TRHDE: variants seen among roughly 807,000 people sequenced by gnomAD.
TRHDE encodes thyrotropin-releasing hormone-degrading ectoenzyme.
Under a neutral mutation model 125.7 loss-of-function variants are expected in TRHDE, and 72 were observed. The ratio of observed to expected loss-of-function variants is 0.57; its 90% confidence interval spans 0.47 to 0.70. TRHDE has a LOEUF of 0.70. Among genes scored for constraint, TRHDE ranks in the 30% least tolerant of loss-of-function variants. The pLI, the probability that TRHDE is intolerant of heterozygous loss-of-function variation, is 0.00. For synonymous variants in TRHDE, 509 were observed against 509.1 expected (o/e 1.00, Z 0.00); for missense variants, 1,110 against 1,327.1 (o/e 0.84, Z 2.54).
At chr12:72,477,835 G>A (rs1156349049) in intron 5 of TRHDE, among the ~76,000 whole-genome samples, 1 of 152,100 alleles carries the variant, frequency 6.6e-6, no homozygotes, top group Admixed American at 6.5e-5. Flanking sequence ...ATAGTGCATA[G>A]GTGTCATTAT....
At chr12:72,104,479 G>A (rs904503173) in intron 1 of TRHDE, among the ~76,000 whole-genome samples, 2 of 152,064 alleles carry the variant, frequency 1.3e-5, no homozygotes, top group Non-Finnish European at 2.9e-5. Flanking sequence ...ATTCACAAAG[G>A]TGCGTACACA....
intron 2 of TRHDE, among the ~76,000 whole-genome samples, chr12:72,204,873 A>AC (rs1312193145): frequency 3.3e-5 from 5 of 152,142 alleles, no homozygotes; most frequent in Non-Finnish European, 7.3e-5. Flanking sequence ...GGCCATGAAA[A>AC]ACAGCTGTTC....
intron 3 of TRHDE, among the ~76,000 whole-genome samples, chr12:72,382,340 G>T (rs576049957): frequency 7.2e-5 from 11 of 151,942 alleles, no homozygotes; most frequent in African/African-American, 1.7e-4. Context: ...GGTTGGGGAG[G>T]GGGGGACAGT....
chr12:72,206,344 C>T (rs529480810), intron 2 of TRHDE, among the ~76,000 whole-genome samples: 3 of 152,104 alleles, frequency 2.0e-5, no homozygotes, highest in Non-Finnish European at 2.9e-5. Context: ...CCGCCTGCCT[C>T]GACCTTCCAA....
chr12:72,192,482 C>T (rs902093509), intron 2 of TRHDE, among the ~76,000 whole-genome samples: 1 of 151,908 alleles, frequency 6.6e-6, no homozygotes, highest in Non-Finnish European at 1.5e-5. Flanking sequence ...TAAGTATTTA[C>T]AAAAGTCGAA....
intron 3 of TRHDE, among the ~76,000 whole-genome samples, chr12:72,437,988 CTTTTTTAGATTTCATATGTGAG>C (rs1394663507): frequency 6.6e-6 from 1 of 151,682 alleles, no homozygotes; most frequent in Non-Finnish European, 1.5e-5. Context: ...ATAAGATCAG[CTTTTTTAGATTTCATATGTGAG>C]TGAGATCATG....
intron 5 of TRHDE, among the ~76,000 whole-genome samples, chr12:72,498,432 G>A (rs116297761): frequency 0.011 from 1,619 of 152,170 alleles, 26 homozygotes; most frequent in African/African-American, 0.037. Flanking sequence ...CTCAAAACTA[G>A]GAGACACCAG....
chr12:72,329,134 C>A (rs1157189231), intron 2 of TRHDE, among the ~76,000 whole-genome samples: 1 of 152,126 alleles, frequency 6.6e-6, no homozygotes, highest in African/African-American at 2.4e-5. Flanking sequence ...TTTCCCAGCT[C>A]ACAGTTGGCT....
At chr12:72,655,232 C>T (rs951132147) in intron 17 of TRHDE, among the ~76,000 whole-genome samples, 2 of 152,020 alleles carry the variant, frequency 1.3e-5, no homozygotes, top group African/African-American at 4.8e-5. Flanking sequence ...ACCACCACAC[C>T]CGGCTAATTT....
At chr12:72,403,985 C>T (rs552181160) in intron 3 of TRHDE, among the ~76,000 whole-genome samples, 1 of 152,256 alleles carries the variant, frequency 6.6e-6, no homozygotes, top group Non-Finnish European at 1.5e-5. Context: ...GTCGTTTTTA[C>T]AAGTAAACAG....
At chr12:72,339,829 G>A (rs1041137598) in intron 2 of TRHDE, among the ~76,000 whole-genome samples, 4 of 152,140 alleles carry the variant, frequency 2.6e-5, no homozygotes, top group Non-Finnish European at 4.4e-5. Context: ...TCATAGTTGA[G>A]TTCTCCACTG....
intron 6 of TRHDE, among the ~76,000 whole-genome samples, chr12:72,535,313 C>A (rs2135980257): frequency 6.6e-6 from 1 of 152,132 alleles, no homozygotes; most frequent in East Asian, 1.9e-4. Context: ...AGACATTATG[C>A]TTCTAAAATA....
At chr12:72,088,958 T>A (rs1418059754) in intron 1 of TRHDE, among the ~76,000 whole-genome samples, 1 of 152,168 alleles carries the variant, frequency 6.6e-6, no homozygotes, top group Admixed American at 6.6e-5. Flanking sequence ...CACCTGCCTA[T>A]TAGACCTCTC....
At chr12:72,621,960 T>C (rs866632402) in intron 15 of TRHDE, among the ~76,000 whole-genome samples, 1 of 152,210 alleles carries the variant, frequency 6.6e-6, no homozygotes, top group African/African-American at 2.4e-5. Context: ...GACTTTATGC[T>C]AACTTTATTA....
chr12:72,228,490 T>C (rs1878182256), intron 2 of TRHDE, among the ~76,000 whole-genome samples: 2 of 152,208 alleles, frequency 1.3e-5, no homozygotes, highest in South Asian at 2.1e-4. Context: ...CCTAGGCCTC[T>C]GGGCCTGTGA....
intron 2 of TRHDE, among the ~76,000 whole-genome samples, chr12:72,354,512 G>A (rs993533836): frequency 1.3e-5 from 2 of 151,182 alleles, no homozygotes; most frequent in Non-Finnish European, 3.0e-5. Flanking sequence ...CATAGCAGGT[G>A]TTCTAATAAG....
chr12:72,124,870 TA>T (rs1375969921), intron 2 of TRHDE, among the ~76,000 whole-genome samples: 5 of 152,088 alleles, frequency 3.3e-5, no homozygotes, highest in Non-Finnish European at 7.4e-5. Flanking sequence ...ATGCTGTCTC[TA>T]AAAAAAGAGA....
chr12:72,272,360 G>C, upstream of TRHDE: 1 of 369,318 alleles, frequency 2.7e-6, no homozygotes, highest in Non-Finnish European at 5.3e-6. The surrounding 1 kb of genome is among the most constrained non-coding windows in gnomAD (Gnocchi z 6.7). Flanking sequence ...CCGCCGCCGG[G>C]TGCTCGTCCG....
intron 2 of TRHDE, among the ~76,000 whole-genome samples, chr12:72,355,240 G>T (rs1194786163): frequency 1.3e-5 from 2 of 151,538 alleles, no homozygotes. Context: ...ATAGGGGTGA[G>T]AAATTTGAAG....
Sources: gnomAD v4.1 joint callset for allele counts (sites outside exome capture counted in the v4.1 genomes callset) on GRCh38, gnomAD v4.1.1 for gene constraint, Gnocchi (gnomAD v3.1) non-coding constraint, MANE v1.5 for transcripts, NCBI Gene and HGNC (gene_info 2026-07-23, HGNC 2026-07-21) for gene names.